JARID2: variants seen among roughly 807,000 people sequenced by gnomAD.
The protein encoded by JARID2 is jumonji and AT-rich interaction domain containing 2, also known as protein Jumonji.
A neutral mutation model predicts 125.6 loss-of-function variants in JARID2; 21 were observed. The ratio of observed to expected loss-of-function variants is 0.17; its 90% confidence interval spans 0.12 to 0.24. The LOEUF (loss-of-function observed/expected upper bound fraction) is 0.24. Among genes scored for constraint, JARID2 ranks in the 10% least tolerant of loss-of-function variants. JARID2 has a pLI of 1.00. For synonymous variants in JARID2, 736 were observed against 661.6 expected (o/e 1.11, Z -1.73); for missense variants, 1,303 against 1,639.6 (o/e 0.79, Z 3.55).
intron 2 of JARID2, among the ~76,000 whole-genome samples, chr6:15,390,962 A>AG (rs1764978656): frequency 6.6e-6 from 1 of 152,042 alleles, no homozygotes; most frequent in Non-Finnish European, 1.5e-5. Flanking sequence ...TTTTCCTCAG[A>AG]GGTGGTATTC....
rs780645267 is a variant in JARID2, at chr6:15,520,256, G to A, written c.*5G>A. On this transcript the variant is annotated 3_prime_UTR_variant, in exon 18 of 18. Coordinates refer to ENST00000341776, the MANE Select transcript of JARID2 (RefSeq NM_004973.4). ...AGTGCTTCGAGCTCATCATGAAGAT[G>A]CCAACGCCCGTGGTCGATTTATATA... is the stretch of plus-strand genomic sequence containing the variant. The A allele has an allele frequency of 6.3e-7, 1 of 1,582,184 alleles. No individual in the cohort carries two copies. The highest frequency in any genetic ancestry group is 8.6e-7 in the Non-Finnish European group (1 of 1,166,360).
intron 16 of JARID2, among the ~76,000 whole-genome samples, chr6:15,513,954 C>T (rs1771417601): frequency 6.6e-6 from 1 of 152,244 alleles, no homozygotes; most frequent in South Asian, 2.1e-4. Flanking sequence ...GATGTTCCTC[C>T]TGTCCCATCT....
chr6:15,263,937 A>G (rs1444863334), intron 1 of JARID2, among the ~76,000 whole-genome samples: 7 of 151,964 alleles, frequency 4.6e-5, no homozygotes, highest in African/African-American at 1.7e-4. Context: ...GTGTTACCCA[A>G]ACTGGAGTGC....
intron 3 of JARID2, among the ~76,000 whole-genome samples, chr6:15,433,924 GTGTGTGTGTGTGT>G (rs1767085178): frequency 3.9e-5 from 1 of 25,360 alleles, no homozygotes; most frequent in South Asian, 8.4e-4. Context: ...TCTCCAGGGT[GTGTGTGTGTGTGT>G]GTGTGTGTGT....
At chr6:15,410,689 T>A (rs1282634821) in intron 3 of JARID2, among the ~76,000 whole-genome samples, 1 of 152,164 alleles carries the variant, frequency 6.6e-6, no homozygotes, top group Non-Finnish European at 1.5e-5. Context: ...GAGGAATATA[T>A]ATATTAGGTG....
intron 4 of JARID2, 88 bp downstream of exon 4, chr6:15,452,263 T>C (rs1767951914): frequency 6.6e-7 from 1 of 1,505,730 alleles, no homozygotes; most frequent in Non-Finnish European, 8.8e-7. Flanking sequence ...CTTTACTCTC[T>C]GCCATGTTCA....
chr6:15,274,897 A>AAGCT (rs1217954267), intron 1 of JARID2, among the ~76,000 whole-genome samples: 1 of 152,182 alleles, frequency 6.6e-6, no homozygotes, highest in African/African-American at 2.4e-5. Flanking sequence ...AGTTAGAAAG[A>AAGCT]AGCTGGTCAG....
chr6:15,348,919 A>G (rs963443334), intron 1 of JARID2, among the ~76,000 whole-genome samples: 1 of 152,236 alleles, frequency 6.6e-6, no homozygotes, highest in Non-Finnish European at 1.5e-5. Context: ...CTTCAGTAGC[A>G]TACCATCTGA....
intron 1 of JARID2, among the ~76,000 whole-genome samples, chr6:15,366,581 T>TA (rs1384390862): frequency 6.6e-6 from 1 of 151,576 alleles, no homozygotes; most frequent in African/African-American, 2.4e-5. Context: ...CTGTGAATTT[T>TA]AATAAAGAGG....
chr6:15,511,148 C>G (rs1177272452), intron 12 of JARID2, 148 bp from the exon 13 acceptor site: 7 of 650,180 alleles, frequency 1.1e-5, no homozygotes, highest in Non-Finnish European at 1.9e-5. Flanking sequence ...AGTGACCAGG[C>G]ACCCAGCCAG....
chr6:15,284,613 A>G (rs1193994256), intron 1 of JARID2, among the ~76,000 whole-genome samples: 1 of 151,530 alleles, frequency 6.6e-6, no homozygotes, highest in African/African-American at 2.4e-5. Flanking sequence ...CAGCCTCCCA[A>G]GTAGCTGGGA....
intron 1 of JARID2, 51 bp from the exon 2 acceptor site, chr6:15,374,066 A>G (rs760154643): frequency 6.3e-7 from 1 of 1,595,612 alleles, no homozygotes. Context: ...GACTCTGAAT[A>G]TTGCCTTGCT....
intron 1 of JARID2, among the ~76,000 whole-genome samples, chr6:15,355,231 T>G (rs144158878): frequency 6.6e-6 from 1 of 152,306 alleles, no homozygotes; most frequent in Non-Finnish European, 1.5e-5. Flanking sequence ...TAATTTAATT[T>G]AAGTGATACT....
chr6:15,487,156 C>T (rs904556486), intron 5 of JARID2, 151 bp from the exon 6 acceptor site: 2 of 653,314 alleles, frequency 3.1e-6, no homozygotes, highest in African/African-American at 3.7e-5. Flanking sequence ...CCTCCATGAT[C>T]CAGTCACCTC....
intron 4 of JARID2, among the ~76,000 whole-genome samples, chr6:15,452,608 G>T (rs1322034183): frequency 6.6e-6 from 1 of 152,122 alleles, no homozygotes; most frequent in Non-Finnish European, 1.5e-5. Context: ...GGTGATGAGG[G>T]ACTTACGGTT....
chr6:15,419,507 A>C (rs922024725), intron 3 of JARID2, among the ~76,000 whole-genome samples: 1 of 152,186 alleles, frequency 6.6e-6, no homozygotes, highest in Non-Finnish European at 1.5e-5. Context: ...AACATTTCTA[A>C]CATTAGGTCT....
chr6:15,467,480 G>A (rs1210355389), intron 4 of JARID2, among the ~76,000 whole-genome samples: 1 of 148,816 alleles, frequency 6.7e-6, no homozygotes, highest in Non-Finnish European at 1.5e-5. Context: ...TGACTTGATT[G>A]TATTTCCTGA....
rs148440326 is a variant in JARID2, at chr6:15,255,625, A to C, written c.45+9041A>C. 2.0e-4 allele frequency among the ~76,000 whole-genome samples: 30 copies of C among 152,054 alleles called. No homozygotes were observed. The East Asian group carries it at 5.6e-3, about 28-fold the overall frequency. On this transcript the variant is annotated intron_variant, in intron 1 of 17. Coordinates refer to ENST00000341776, the MANE Select transcript of JARID2 (RefSeq NM_004973.4). Reference sequence around the variant, plus strand: ...TGGTGAGAGCTTGGTCTGAAGTGGTAGTGTATTATCTGTTGGTTCTCTCTC... The same window carrying C: ...TGGTGAGAGCTTGGTCTGAAGTGGTCGTGTATTATCTGTTGGTTCTCTCTC...
chr6:15,430,868 A>G (rs1270534688), intron 3 of JARID2, among the ~76,000 whole-genome samples: 4 of 152,100 alleles, frequency 2.6e-5, no homozygotes, highest in Non-Finnish European at 5.9e-5. Flanking sequence ...ACTGTGTAGG[A>G]TGGGATTCTA....
Sources: gnomAD v4.1 joint callset for allele counts (sites outside exome capture counted in the v4.1 genomes callset) on GRCh38, gnomAD v4.1.1 for gene constraint, MANE v1.5 for transcripts, NCBI Gene and HGNC (gene_info 2026-07-23, HGNC 2026-07-21) for gene names.